Variants in CREB5 observed in about 807,000 individuals in gnomAD.
The protein encoded by CREB5 is cAMP responsive element binding protein 5.
In CREB5, 19 loss-of-function variants were observed where a neutral mutation model predicts 57.1. The ratio of observed to expected loss-of-function variants is 0.33; its 90% CI spans 0.23 to 0.49. CREB5 has a LOEUF of 0.49. Ranked by LOEUF, CREB5 falls within the 20% of genes least tolerant of loss-of-function variation. CREB5 has a pLI of 0.99. For synonymous variants in CREB5, 238 were observed against 238.3 expected, an observed-to-expected ratio of 1.00 and a Z score of 0.01; for missense variants, 579 against 671.6, an observed-to-expected ratio of 0.86 and a Z score of 1.52.
At chr7:28,541,976 G>A (rs891124575) in intron 4 of CREB5, among the ~76,000 whole-genome samples, 8 of 152,128 alleles carry the variant, frequency 5.3e-5, no homozygotes, top group African/African-American at 1.4e-4. Flanking sequence ...AAATTCCTTA[G>A]TGTGTGACTT....
chr7:28,742,454 T>G (rs2128757850), intron 7 of CREB5, among the ~76,000 whole-genome samples: 1 of 151,838 alleles, frequency 6.6e-6, no homozygotes, highest in East Asian at 2.0e-4. Flanking sequence ...TAGTCCCAGC[T>G]ACTCGGGAGG....
chr7:28,816,779 G>A (rs1809464219), intron 9 of CREB5, among the ~76,000 whole-genome samples: 1 of 152,174 alleles, frequency 6.6e-6, no homozygotes, highest in African/African-American at 2.4e-5. Context: ...ACAACTTAAT[G>A]ACAGCAATGT....
At chr7:28,408,393 C>G (rs1210454237), upstream of CREB5, among the ~76,000 whole-genome samples, 12 of 152,218 alleles carry the variant, frequency 7.9e-5, no homozygotes. Context: ...GGGAGAACTT[C>G]TGAAAGGAAA....
intron 7 of CREB5, among the ~76,000 whole-genome samples, chr7:28,786,243 A>G (rs1461756299): frequency 3.9e-5 from 6 of 152,026 alleles, no homozygotes; most frequent in Non-Finnish European, 7.4e-5. Flanking sequence ...GAAGTTACCT[A>G]GATACTTTAT....
At chr7:28,769,907 A>T (rs1219171911) in intron 7 of CREB5, among the ~76,000 whole-genome samples, 1 of 152,222 alleles carries the variant, frequency 6.6e-6, no homozygotes, top group Non-Finnish European at 1.5e-5. Flanking sequence ...CAGCCTTAGA[A>T]TCAGACCTTT....
chr7:28,809,544 A>G (rs960085308), intron 9 of CREB5, 130 bp downstream of exon 9: 1 of 784,178 alleles, frequency 1.3e-6, no homozygotes, highest in Non-Finnish European at 2.0e-6. Flanking sequence ...CCGCAGCCCC[A>G]CTCCTCGAGT....
At position 28,337,995 on chromosome 7, in the gene CREB5, AT is replaced by A. The variant is rs1184054818; in HGVS notation, c.-25+38555del. Among the ~76,000 whole-genome samples, 8 of 152,302 alleles carry A rather than the reference AT, an allele frequency of 5.3e-5. No individual in the cohort carries two copies. In the East Asian group the frequency reaches 1.5e-3, roughly 29 times the overall value. On this transcript the variant is annotated intron_variant, in intron 1 of 9. Coordinates refer to the CREB5 transcript ENST00000396299. ...TAAAAAACAAGCAAAAAGAAAACTA[AT>A]AAAAATTCTACACTTAACTTCATTC...
At chr7:28,331,368 T>C (rs1785712606) in intron 1 of CREB5, among the ~76,000 whole-genome samples, 2 of 152,152 alleles carry the variant, frequency 1.3e-5, no homozygotes, top group South Asian at 2.1e-4. Flanking sequence ...GAAAACTTAA[T>C]ATTGTAGATC....
At chr7:28,381,992 G>T (rs1163674182) in intron 1 of CREB5, among the ~76,000 whole-genome samples, 1 of 152,214 alleles carries the variant, frequency 6.6e-6, no homozygotes, top group Non-Finnish European at 1.5e-5. Flanking sequence ...AGGGAAACCT[G>T]CTGTATGGCT....
chr7:28,338,107 A>G (rs1465070595), intron 1 of CREB5, among the ~76,000 whole-genome samples: 2 of 152,060 alleles, frequency 1.3e-5, no homozygotes, highest in African/African-American at 4.8e-5. Flanking sequence ...ATTATTTTTA[A>G]TTGGTTCATA....
chr7:28,560,919 T>TGCGCGCGTGC lies in CREB5; in HGVS notation c.292-9445_292-9444insCGCGCGTGCG, dbSNP rs1562797827. On this transcript the variant is annotated intron_variant, in intron 4 of 10. Transcript: ENST00000357727. ...GTGCGTGCGCGCGTGCGTGTGCGTGTGTGCGCGTGCGTGTGTGCGTGCGTG... is the reference window on the plus strand; with the variant it reads ...GTGCGTGCGCGCGTGCGTGTGCGTGTGCGCGCGTGCGTGCGCGTGCGTGTGTGCGTGCGTG... Among the ~76,000 whole-genome samples, 59 of 42,990 alleles carry TGCGCGCGTGC rather than the reference T, an allele frequency of 1.4e-3. 5 individuals carry two copies. The highest frequency in any genetic ancestry group is 2.3e-3 in the Non-Finnish European group (51 of 22,254). 28.2% of individuals were successfully genotyped at this position (42,990 alleles called of 152,430 possible).
chr7:28,799,968 CTTCATTCA>C (rs1808268820), intron 7 of CREB5, among the ~76,000 whole-genome samples: 1 of 152,260 alleles, frequency 6.6e-6, no homozygotes, highest in East Asian at 1.9e-4. Flanking sequence ...TCATTCATTC[CTTCATTCA>C]TTCCACAAAT....
intron 1 of CREB5, among the ~76,000 whole-genome samples, chr7:28,465,398 A>G (rs1480541144): frequency 6.6e-6 from 1 of 152,212 alleles, no homozygotes; most frequent in Non-Finnish European, 1.5e-5. Context: ...GAAATAACCC[A>G]TAGGATCCAG....
intron 1 of CREB5, among the ~76,000 whole-genome samples, chr7:28,324,720 G>T (rs997450985): frequency 2.6e-5 from 4 of 152,112 alleles, no homozygotes; most frequent in Non-Finnish European, 5.9e-5. Context: ...CTAGCTCTTT[G>T]CTTTGACTTT....
At chr7:28,636,646 T>A (rs1798430467) in intron 5 of CREB5, among the ~76,000 whole-genome samples, 1 of 152,234 alleles carries the variant, frequency 6.6e-6, no homozygotes, top group Non-Finnish European at 1.5e-5. Flanking sequence ...TAAATTATCA[T>A]AGTCATCCTA....
At chr7:28,609,380 G>A (rs1797300272) in intron 5 of CREB5, among the ~76,000 whole-genome samples, 6 of 152,032 alleles carry the variant, frequency 3.9e-5, no homozygotes, top group Admixed American at 3.9e-4. Flanking sequence ...GCTTACTGGG[G>A]CCCTAGTACT....
At chr7:28,523,996 T>C (rs1793317771) in intron 4 of CREB5, among the ~76,000 whole-genome samples, 1 of 152,178 alleles carries the variant, frequency 6.6e-6, no homozygotes, top group African/African-American at 2.4e-5. Context: ...CACCATTGCC[T>C]TACACGTGGA....
chr7:28,662,136 A>G (rs1166902707), intron 5 of CREB5, among the ~76,000 whole-genome samples: 2 of 152,166 alleles, frequency 1.3e-5, no homozygotes, highest in African/African-American at 4.8e-5. Flanking sequence ...TAAAATCACT[A>G]CAAGAGTAGA....
chr7:28,684,226 GC>G (rs1337043579), intron 5 of CREB5, among the ~76,000 whole-genome samples: 3 of 152,318 alleles, frequency 2.0e-5, no homozygotes, highest in Non-Finnish European at 4.4e-5. Context: ...AGTTATACAG[GC>G]CACTGACATG....
Sources: gnomAD v4.1 joint callset for allele counts (sites outside exome capture counted in the v4.1 genomes callset) on GRCh38, gnomAD v4.1.1 for gene constraint, MANE v1.5 for transcripts, NCBI Gene and HGNC (gene_info 2026-07-23, HGNC 2026-07-21) for gene names.